Variants in ARHGAP39 observed in about 807,000 individuals in gnomAD.
ARHGAP39 encodes Rho GTPase activating protein 39, also known as rho GTPase-activating protein 39.
ARHGAP39 carries 44 observed loss-of-function variants against 106.9 expected under a neutral mutation model. The ratio of observed to expected loss-of-function variants is 0.41; its 90% confidence interval spans 0.32 to 0.53. ARHGAP39 has a LOEUF of 0.53. Ranked by LOEUF, ARHGAP39 falls within the 20% of genes least tolerant of loss-of-function variation. ARHGAP39 has a pLI of 0.21. For missense variants in ARHGAP39, 1,496 were observed against 1,577.3 expected, an observed-to-expected ratio of 0.95 and a Z score of 0.87; for synonymous variants, 768 against 693.2, an observed-to-expected ratio of 1.11 and a Z score of -1.69.
intron 2 of ARHGAP39, among the ~76,000 whole-genome samples, chr8:144,588,701 T>C (rs1819273900): frequency 6.6e-6 from 1 of 152,198 alleles, no homozygotes; most frequent in Non-Finnish European, 1.5e-5. Flanking sequence ...AGGGTCAGAC[T>C]CACAGCCGGA....
chr8:144,669,977 T>C lies in ARHGAP39; in HGVS notation c.-82+15709A>G, dbSNP rs563571687. ...TTTGGCATTTCCTCAAAAGTAAACA[T>C]AGAATTACCATATGACCCAGCAACT... On this transcript the variant is annotated intron_variant, in intron 1 of 11. Transcript: ENST00000377307. Among the ~76,000 whole-genome samples, 15 of 152,302 alleles carry C rather than the reference T, an allele frequency of 9.8e-5. 1 individual carries two copies. In the South Asian group the frequency reaches 1.7e-3, roughly 17 times the overall value.
the ARHGAP39 span, among the ~76,000 whole-genome samples, chr8:144,699,463 G>A: frequency 7.3e-6 from 1 of 137,470 alleles, no homozygotes; most frequent in Non-Finnish European, 1.6e-5. Flanking sequence ...GTGGGAGGCT[G>A]TGGGGTATTG....
chr8:144,604,805 G>A lies in ARHGAP39; in HGVS notation c.80+730C>T, dbSNP rs534169499. Among the ~76,000 whole-genome samples the A allele has an allele frequency of 1.2e-4, 18 of 152,312 alleles. 1 individual carries two copies. The South Asian group carries it at 2.9e-3, about 25-fold the overall frequency. On this transcript the variant is annotated intron_variant, in intron 2 of 11. Transcript: ENST00000377307. The surrounding 1 kb of genome is among the most constrained non-coding windows in gnomAD (Gnocchi z 4.1). ...AAGCGTCCTGGGCTACCTGGAAGAC[G>A]TCCTGAGGGAGCTCACGCTCTCACA... is the stretch of plus-strand genomic sequence containing the variant.
At chr8:144,655,819 A>G (rs1035394465) in intron 1 of ARHGAP39, among the ~76,000 whole-genome samples, 2 of 152,146 alleles carry the variant, frequency 1.3e-5, no homozygotes, top group African/African-American at 2.4e-5. Flanking sequence ...ACCCCGTAAC[A>G]CTATGGATGT....
At chr8:144,673,050 C>T (rs1201441308) in intron 1 of ARHGAP39, among the ~76,000 whole-genome samples, 2 of 152,106 alleles carry the variant, frequency 1.3e-5, no homozygotes, top group Admixed American at 6.5e-5. Flanking sequence ...AATCCTGCCT[C>T]TACAAAAATT....
At position 144,624,247 on chromosome 8, in the gene ARHGAP39, C is replaced by T. The variant is rs149831813; in HGVS notation, c.-81-18552G>A. 2.6e-3 allele frequency among the ~76,000 whole-genome samples: 397 copies of T among 152,332 alleles called. 3 individuals carry two copies. The highest frequency in any genetic ancestry group is 3.4e-3 in the Middle Eastern group (1 of 294). On this transcript the variant is annotated intron_variant, in intron 1 of 11. Coordinates refer to ENST00000377307, the MANE Select transcript of ARHGAP39 (RefSeq NM_025251.3). ...CGACAGCCATGACGAGCGCCCTTTG[C>T]ACTAAGTGTAAAGCGTACAGTATAG...
intron 3 of ARHGAP39, among the ~76,000 whole-genome samples, chr8:144,574,896 T>A (rs1818717361): frequency 1.3e-5 from 2 of 152,160 alleles, no homozygotes; most frequent in African/African-American, 4.8e-5. Context: ...GAGAAACACG[T>A]CATCAGGCAA....
Position 144,647,150 on chromosome 8 carries a change from G to A in ARHGAP39, c.-82+38536C>T, listed in dbSNP as rs929157361. Among the ~76,000 whole-genome samples, 3 of 151,818 alleles carry A rather than the reference G, an allele frequency of 2.0e-5. No homozygotes were observed. The highest frequency in any genetic ancestry group is 6.6e-5 in the Admixed American group (1 of 15,246). Reference sequence around the variant, plus strand: ...TGCCCGGCTAATTTTTGTATTTTTCGTAGAGACGGGGTTTCACCATGTTAG... The same window carrying A: ...TGCCCGGCTAATTTTTGTATTTTTCATAGAGACGGGGTTTCACCATGTTAG... On this transcript the variant is annotated intron_variant, in intron 1 of 11. Transcript: ENST00000377307. The surrounding 1 kb of genome is among the most constrained non-coding windows in gnomAD (Gnocchi z 4.8).
chr8:144,561,261 G>T (rs139218599), intron 3 of ARHGAP39, among the ~76,000 whole-genome samples: 1 of 126,678 alleles, frequency 7.9e-6, no homozygotes, highest in African/African-American at 4.3e-5. Flanking sequence ...GTGTCCATCA[G>T]ACCCCAGTGG....
Position 144,530,457 on chromosome 8 carries a change from G to A in ARHGAP39, c.3310C>T (p.His1104Tyr), listed in dbSNP as rs1816634097. The A allele has an allele frequency of 6.2e-7, 1 of 1,610,270 alleles. No individual in the cohort carries two copies. The highest frequency in any genetic ancestry group is 8.5e-7 in the Non-Finnish European group (1 of 1,178,636). ...EMSFLRVLIQ[H>Y]LDTSFMEGVL ...CCCTCCATGAAGCTGGTGTCCAGGT[G>A]CTGGATGAGCACCCGCAGGAAGGAC... Residue 1104 changes from histidine to tyrosine, a missense_variant, in exon 12 of 12, where the codon CAC becomes TAC. Coordinates refer to ENST00000377307, the MANE Select transcript of ARHGAP39 (RefSeq NM_025251.3).
At chr8:144,558,801 G>A (rs1033971581) in intron 3 of ARHGAP39, among the ~76,000 whole-genome samples, 9 of 152,082 alleles carry the variant, frequency 5.9e-5, no homozygotes, top group Non-Finnish European at 1.0e-4. Flanking sequence ...GGCTGGGCAC[G>A]GTGGCTCATG....
intron 1 of ARHGAP39, among the ~76,000 whole-genome samples, chr8:144,673,723 G>A (rs538925615): frequency 2.0e-5 from 3 of 152,280 alleles, no homozygotes; most frequent in South Asian, 4.1e-4. Flanking sequence ...GGATTGTTCC[G>A]CCCACTCAGG....
intron 1 of ARHGAP39, among the ~76,000 whole-genome samples, chr8:144,672,576 T>C (rs1380270667): frequency 1.3e-5 from 2 of 152,208 alleles, no homozygotes; most frequent in African/African-American, 2.4e-5. Flanking sequence ...GAGACAGCAG[T>C]GCTCCCACGC....
rs988416232 is a variant in ARHGAP39 at position 144,645,514 on chromosome 8, C to T, written c.-81-39819G>A. Among the ~76,000 whole-genome samples the T allele has an allele frequency of 3.3e-5, 5 of 150,584 alleles. No individual in the cohort carries two copies. Among genetic ancestry groups the T allele is most frequent in the African/African-American group, 1.2e-4 (5 of 40,796 alleles). The stretch of plus-strand genomic sequence containing the variant: ...GGTCTCCGTCAGGGCAGAGCCTCCC[C>T]GCCTCACTCTGGTCTCTCCTGGCAG... On this transcript the variant is annotated intron_variant, in intron 1 of 11. Transcript: ENST00000377307. The surrounding 1 kb of genome is among the most constrained non-coding windows in gnomAD (Gnocchi z 4.4).
At chr8:144,562,747 A>G (rs893442736) in intron 3 of ARHGAP39, among the ~76,000 whole-genome samples, 4 of 144,410 alleles carry the variant, frequency 2.8e-5, no homozygotes, top group African/African-American at 1.1e-4. Flanking sequence ...ATCGCACCCC[A>G]GTGGTTTCCA....
At chr8:144,546,827 C>T (rs1238368499) in intron 5 of ARHGAP39, among the ~76,000 whole-genome samples, 1 of 152,212 alleles carries the variant, frequency 6.6e-6, no homozygotes, top group Non-Finnish European at 1.5e-5. Flanking sequence ...CTGCTGAGGC[C>T]TTCTCTGTTC....
At position 144,589,143 on chromosome 8, in the gene ARHGAP39, G is replaced by A. The variant is rs1819296087; in HGVS notation, c.81-7866C>T. On this transcript the variant is annotated intron_variant, in intron 2 of 11. Coordinates refer to ENST00000377307, the MANE Select transcript of ARHGAP39 (RefSeq NM_025251.3). ...ATGACGGCGAGGGTATCGGTGGCCGGAGGACCCTGGTGCAGTGGACACAGA... is the reference window on the plus strand; with the variant it reads ...ATGACGGCGAGGGTATCGGTGGCCGAAGGACCCTGGTGCAGTGGACACAGA... 2.6e-5 allele frequency among the ~76,000 whole-genome samples: 4 copies of A among 152,238 alleles called. No homozygotes were observed. In the South Asian group the frequency reaches 8.3e-4, roughly 31 times the overall value.
chr8:144,548,497 G>A lies in ARHGAP39; in HGVS notation c.597-8C>T. 6.2e-7 allele frequency: 1 copy of A among 1,604,674 alleles called. No individual in the cohort carries two copies. Among genetic ancestry groups the A allele is most frequent in the East Asian group, 2.2e-5 (1 of 44,788 alleles). Reference sequence around the variant, plus strand: ...CACCGCAGCGAGGAGGTCCTGCGTGGGGGGTGGACGGGCACAGGTGACTGC... The same window carrying A: ...CACCGCAGCGAGGAGGTCCTGCGTGAGGGGTGGACGGGCACAGGTGACTGC... On this transcript the variant is annotated splice_region_variant and splice_polypyrimidine_tract_variant and intron_variant, in intron 4 of 11. Coordinates refer to ENST00000377307, the MANE Select transcript of ARHGAP39 (RefSeq NM_025251.3). This position sits in a 1 kb window ranked among gnomAD's most constrained non-coding sequence, Gnocchi z 7.4.
At chr8:144,588,983 C>T (rs1273270402) in intron 2 of ARHGAP39, among the ~76,000 whole-genome samples, 2 of 152,238 alleles carry the variant, frequency 1.3e-5, no homozygotes, top group African/African-American at 4.8e-5. Flanking sequence ...CCAGGGACAT[C>T]AGGATCAATG....
Sources: allele counts gnomAD v4.1 joint callset (sites outside exome capture counted in the v4.1 genomes callset), GRCh38; gene constraint gnomAD v4.1.1; non-coding constraint Gnocchi (gnomAD v3.1); transcripts MANE v1.5; gene names NCBI Gene and HGNC (gene_info 2026-07-23, HGNC 2026-07-21).